DDIAS: variants seen among roughly 807,000 people sequenced by gnomAD.
DDIAS encodes the protein DNA damage-induced apoptosis suppressor protein.
A neutral mutation model predicts 15.7 loss-of-function variants in DDIAS; 14 were observed. The observed-to-expected ratio is 0.89, with a 90% CI of 0.59 to 1.39. The LOEUF is 1.39. DDIAS is among the 40% of genes most tolerant of loss of function. DDIAS has a pLI of 0.00. For synonymous variants in DDIAS, 355 were observed against 395.9 expected (o/e 0.90, Z 1.23); for missense variants, 1,035 against 1,130.9 (o/e 0.92, Z 1.22).
At chr11:82,928,647 A>T in intron 3 of DDIAS, 130 bp from the exon 4 acceptor site, 1 of 874,728 alleles carries the variant, frequency 1.1e-6, no homozygotes, top group Non-Finnish European at 1.7e-6. Flanking sequence ...GAAAGAGTTT[A>T]AGAAGAATTT....
chr11:82,917,277 T>C (rs1860651098), intron 3 of DDIAS, among the ~76,000 whole-genome samples: 1 of 152,110 alleles, frequency 6.6e-6, no homozygotes, highest in South Asian at 2.1e-4. Context: ...ACCCTATTTG[T>C]AGTCTTTTAT....
At chr11:82,928,607 T>C (rs961643525) in intron 3 of DDIAS, among the ~76,000 whole-genome samples, 170 bp from the exon 4 acceptor site, 1 of 152,234 alleles carries the variant, frequency 6.6e-6, no homozygotes, top group Non-Finnish European at 1.5e-5. Context: ...CTAACTATTC[T>C]GACTAGAGAA....
In DDIAS at chr11:82,934,176, C is replaced by T; in HGVS notation, c.2838C>T (p.Ser946=). 1 of 1,613,880 alleles carries T rather than the reference C, an allele frequency of 6.2e-7. No homozygotes were observed. The highest frequency in any genetic ancestry group is 2.2e-5 in the East Asian group (1 of 44,894). Residue 946 remains serine, a synonymous_variant, in exon 6 of 6, where the codon TCC becomes TCT. Coordinates refer to ENST00000533655, the MANE Select transcript of DDIAS (RefSeq NM_145018.4). ...ACTGTAAAAGTTCAGGCTGGATTTC[C>T]AAATGTCCAGACATTCAAGTCTTAG... ...KYNCKSSGWI[S]KCPDIQVLAA...
At chr11:82,924,669 G>C (rs1860821732) in intron 3 of DDIAS, among the ~76,000 whole-genome samples, 2 of 151,970 alleles carry the variant, frequency 1.3e-5, no homozygotes, top group Admixed American at 1.3e-4. Context: ...AACAAAATTA[G>C]GCAGGCATCG....
At chr11:82,905,120 C>A (rs1311945324) in intron 1 of DDIAS, among the ~76,000 whole-genome samples, 1 of 152,100 alleles carries the variant, frequency 6.6e-6, no homozygotes, top group Admixed American at 6.6e-5. Context: ...TCCACATGGA[C>A]CCCACATATT....
rs562610214 is a variant in DDIAS at position 82,905,736 on chromosome 11, G to A, written c.-117+3914G>A. 2.5e-4 allele frequency among the ~76,000 whole-genome samples: 38 copies of A among 152,228 alleles called. No individual in the cohort carries two copies. In the East Asian group the frequency reaches 7.4e-3, roughly 29 times the overall value. ...TAGTGACTAGGTAGGGACCTTGTCT[G>A]TTTGTCCATCAATCACACTATCCCC... is the stretch of plus-strand genomic sequence containing the variant. On this transcript the variant is annotated intron_variant, in intron 1 of 5. Coordinates refer to ENST00000533655, the MANE Select transcript of DDIAS (RefSeq NM_145018.4).
rs774987092 is a variant in DDIAS at position 82,933,456 on chromosome 11, A to C, written c.2118A>C (p.Thr706=). ...KSQDILLKWG[T]SLAESHPSES... ...AGGATATTTTGTTAAAATGGGGAAC[A>C]TCTTTGGCAGAAAGTCACCCTTCAG... is the stretch of plus-strand genomic sequence containing the variant. The change falls in exon 6 of 6, where the codon ACA becomes ACC. Residue 706 remains threonine (T), a synonymous_variant. Transcript: ENST00000533655. 6.2e-7 allele frequency: 1 copy of C among 1,613,960 alleles called. No individual in the cohort carries two copies. The highest frequency in any genetic ancestry group is 1.1e-5 in the South Asian group (1 of 91,076).
Position 82,934,029 on chromosome 11 carries a change from A to G in DDIAS, c.2691A>G (p.Gln897=), listed in dbSNP as rs1861064191. 1.2e-6 allele frequency: 2 copies of G among 1,613,802 alleles called. No individual in the cohort carries two copies. Among genetic ancestry groups the G allele is most frequent in the South Asian group, 1.1e-5 (1 of 90,990 alleles). Residue 897 remains glutamine, a synonymous_variant, in exon 6 of 6, where the codon CAA becomes CAG. Transcript: ENST00000533655. ...TTGCTGCCTATCATTTCCCTGATCAACAAGAGTTACCAAGAAAGAAACTGA... is the reference window on the plus strand; with the variant it reads ...TTGCTGCCTATCATTTCCCTGATCAGCAAGAGTTACCAAGAAAGAAACTGA... ...KCLAAYHFPD[Q]QELPRKKLKH...
At chr11:82,921,472 T>A (rs1035593130) in intron 3 of DDIAS, among the ~76,000 whole-genome samples, 2 of 151,974 alleles carry the variant, frequency 1.3e-5, no homozygotes, top group African/African-American at 4.8e-5. Context: ...GTTTTATAGG[T>A]CCTTCATGAT....
intron 3 of DDIAS, among the ~76,000 whole-genome samples, chr11:82,918,575 C>T (rs948702961): frequency 2.0e-4 from 30 of 152,268 alleles, no homozygotes; most frequent in Non-Finnish European, 3.4e-4. Flanking sequence ...TGTTTTGGTT[C>T]CATATGCATT....
At chr11:82,917,731 C>T (rs1286493632) in intron 3 of DDIAS, among the ~76,000 whole-genome samples, 1 of 152,190 alleles carries the variant, frequency 6.6e-6, no homozygotes, top group Admixed American at 6.5e-5. Context: ...CACTGTTTTC[C>T]ATAGTGGCTG....
In DDIAS at chr11:82,931,884, T is replaced by C; in HGVS notation, c.546T>C (p.His182=). ...GCTTTACTGTCATTGACTACTTCCA[T>C]CAACTTTTGCAGACTTTTAATTTCA... The part of the protein sequence containing the change: ...IAGFTVIDYF[H]QLLQTFNFRK... The change falls in exon 6 of 6, where the codon CAT becomes CAC. Residue 182 remains histidine, a synonymous_variant. Coordinates refer to ENST00000533655, the MANE Select transcript of DDIAS (RefSeq NM_145018.4). 6.2e-7 allele frequency: 1 copy of C among 1,614,178 alleles called. No individual in the cohort carries two copies. The highest frequency in any genetic ancestry group is 8.5e-7 in the Non-Finnish European group (1 of 1,180,032).
chr11:82,934,333 TAA>T lies in DDIAS; in HGVS notation c.*2_*3del. 6.3e-7 allele frequency: 1 copy of T among 1,580,090 alleles called. No homozygotes were observed. The highest frequency in any genetic ancestry group is 1.2e-5 in the South Asian group (1 of 85,254). On this transcript the variant is annotated frameshift_variant and stop_lost, in exon 6 of 6. Coordinates refer to ENST00000533655, the MANE Select transcript of DDIAS (RefSeq NM_145018.4). LOFTEE classifies it high-confidence loss of function. ...TGCTTGGTCACCTGAATTGTTTTCA[TAA>T]AAAGTCACCTGAACCCAATTCCTGA... ...RSAWSPELFS[*>X]
chr11:82,904,189 T>C (rs1860382004), intron 1 of DDIAS, among the ~76,000 whole-genome samples: 1 of 152,214 alleles, frequency 6.6e-6, no homozygotes, highest in Admixed American at 6.5e-5. Context: ...TCTTATACTT[T>C]TATGTTCTCT....
intron 1 of DDIAS, among the ~76,000 whole-genome samples, chr11:82,908,983 C>G (rs1382510071): frequency 6.6e-6 from 1 of 152,154 alleles, no homozygotes; most frequent in African/African-American, 2.4e-5. Context: ...AAGTATTTCC[C>G]GATTCTAGAA....
At chr11:82,919,604 C>T (rs767323543) in intron 3 of DDIAS, among the ~76,000 whole-genome samples, 5 of 152,160 alleles carry the variant, frequency 3.3e-5, no homozygotes, top group East Asian at 1.9e-4. Flanking sequence ...AGGGTGATGT[C>T]GCCTTCATAG....
At chr11:82,915,723 G>A (rs12801437) in intron 3 of DDIAS, among the ~76,000 whole-genome samples, 35,399 of 152,088 alleles carry the variant, frequency 0.23, 4,622 homozygotes, top group Admixed American at 0.3. Flanking sequence ...TTCAACAAAT[G>A]TTGGTTAAAT....
chr11:82,933,318 CG>C lies in DDIAS; in HGVS notation c.1981del (p.Val661Ter). On this transcript the variant is annotated frameshift_variant, in exon 6 of 6. Coordinates refer to ENST00000533655, the MANE Select transcript of DDIAS (RefSeq NM_145018.4). LOFTEE classifies it low-confidence loss of function (END_TRUNC). The part of the protein sequence containing the change: ...EMPWGHINNN[V>X]TQSYSIGYEG... ...TGCCTTGGGGACATATCAATAACAA[CG>C]TAACACAGAGCTATTCTATTGGTTA... 1 of 1,613,942 alleles carries C rather than the reference CG, an allele frequency of 6.2e-7. No individual in the cohort carries two copies. The highest frequency in any genetic ancestry group is 1.3e-5 in the African/African-American group (1 of 75,024).
In DDIAS at chr11:82,933,850, A is replaced by C. The variant is rs200675617; in HGVS notation, c.2512A>C (p.Ile838Leu). 2 of 1,614,118 alleles carry C rather than the reference A, an allele frequency of 1.2e-6. No homozygotes were observed. The highest frequency in any genetic ancestry group is 2.2e-5 in the South Asian group (2 of 91,074). Reference protein sequence around the residue: ...KTPSQKIRSPIVSGVSQPDVF... With the variant: ...KTPSQKIRSPLVSGVSQPDVF... The stretch of plus-strand genomic sequence containing the variant: ...ACCTAGCCAGAAAATCAGAAGCCCT[A>C]TTGTATCTGGTGTTTCACAACCAGA... The change falls in exon 6 of 6, where the codon ATT (isoleucine) becomes CTT (leucine). Residue 838 changes from isoleucine to leucine, a missense_variant. Coordinates refer to ENST00000533655, the MANE Select transcript of DDIAS (RefSeq NM_145018.4).
Sources: gnomAD v4.1 joint callset for allele counts (sites outside exome capture counted in the v4.1 genomes callset) on GRCh38, gnomAD v4.1.1 for gene constraint, MANE v1.5 for transcripts, NCBI Gene and HGNC (gene_info 2026-07-23, HGNC 2026-07-21) for gene names.